The following GRM5 variants were observed in gnomAD, a reference collection of about 807,000 sequenced individuals.
GRM5 encodes the protein metabotropic glutamate receptor 5.
Under a neutral mutation model 83.1 loss-of-function variants are expected in GRM5, and 19 were observed. The observed-to-expected ratio is 0.23, with a 90% confidence interval of 0.16 to 0.34. The LOEUF is 0.34. Among genes scored for constraint, GRM5 ranks in the 10% least tolerant of loss-of-function variants. The pLI, the probability that GRM5 is intolerant of heterozygous loss-of-function variation, is 1.00. For missense variants in GRM5, 1,160 were observed against 1,588.3 expected (o/e 0.73, Z 4.58); for synonymous variants, 675 against 633.6 (o/e 1.07, Z -0.98).
chr11:88,965,744 A>G (rs1938937764), intron 2 of GRM5, among the ~76,000 whole-genome samples: 1 of 152,148 alleles, frequency 6.6e-6, no homozygotes, highest in Non-Finnish European at 1.5e-5. Context: ...CAACATATGT[A>G]AATACATAAA....
intron 3 of GRM5, among the ~76,000 whole-genome samples, chr11:88,733,014 G>C (rs1439718451): frequency 6.6e-6 from 1 of 151,934 alleles, no homozygotes; most frequent in Non-Finnish European, 1.5e-5. Context: ...ACAATCTATT[G>C]ATCTTGCTAA....
At chr11:89,006,677 C>G (rs1469089508) in intron 2 of GRM5, among the ~76,000 whole-genome samples, 3 of 152,244 alleles carry the variant, frequency 2.0e-5, no homozygotes. Flanking sequence ...TTTGAGTTTA[C>G]ACATATCCAT....
At chr11:88,838,762 T>C (rs1565255519) in intron 3 of GRM5, among the ~76,000 whole-genome samples, 1 of 151,864 alleles carries the variant, frequency 6.6e-6, no homozygotes, top group African/African-American at 2.4e-5. Context: ...ACAGATGGAG[T>C]AATACCTTTC....
At chr11:88,687,927 C>T (rs867246029) in intron 3 of GRM5, among the ~76,000 whole-genome samples, 9 of 151,928 alleles carry the variant, frequency 5.9e-5, no homozygotes, top group Non-Finnish European at 1.2e-4. Flanking sequence ...ATCTTCCTTC[C>T]GCCCTAACAC....
At chr11:88,979,120 C>G (rs1939439242) in intron 2 of GRM5, among the ~76,000 whole-genome samples, 1 of 152,114 alleles carries the variant, frequency 6.6e-6, no homozygotes, top group Non-Finnish European at 1.5e-5. Flanking sequence ...CTTAAATAAT[C>G]TAAACCTAAT....
chr11:89,011,715 T>C (rs1940705354), intron 2 of GRM5, among the ~76,000 whole-genome samples: 1 of 152,204 alleles, frequency 6.6e-6, no homozygotes, highest in South Asian at 2.1e-4. Context: ...CTACAGCATC[T>C]TGACCATTAA....
chr11:88,980,752 G>C (rs1332096901), intron 2 of GRM5, among the ~76,000 whole-genome samples: 1 of 152,054 alleles, frequency 6.6e-6, no homozygotes, highest in East Asian at 1.9e-4. Context: ...GAACCCGGGA[G>C]GCAGAGCTTG....
chr11:89,017,178 G>A (rs1366057540), intron 2 of GRM5, among the ~76,000 whole-genome samples: 1 of 152,068 alleles, frequency 6.6e-6, no homozygotes, highest in Non-Finnish European at 1.5e-5. Flanking sequence ...ATTCATCAGT[G>A]CATCCTTGTT....
intron 2 of GRM5, among the ~76,000 whole-genome samples, chr11:88,957,996 A>AT (rs998224685): frequency 6.6e-6 from 1 of 151,980 alleles, no homozygotes; most frequent in Non-Finnish European, 1.5e-5. Context: ...AGAAACTTAT[A>AT]TTTTTTATAC....
chr11:88,780,409 C>A (rs1942951600), intron 3 of GRM5, among the ~76,000 whole-genome samples: 3 of 152,114 alleles, frequency 2.0e-5, no homozygotes, highest in Non-Finnish European at 4.4e-5. Flanking sequence ...CTTAACACTC[C>A]TCTTCTTAGC....
intron 8 of GRM5, among the ~76,000 whole-genome samples, chr11:88,548,772 A>T (rs1327137723): frequency 6.6e-6 from 1 of 152,222 alleles, no homozygotes; most frequent in Non-Finnish European, 1.5e-5. Context: ...AAGTTGACTT[A>T]TTCTCTTGGA....
rs188856951 is a variant in GRM5 at position 88,704,791 on chromosome 11, C to T, written c.912-51388G>A. Among the ~76,000 whole-genome samples the T allele has an allele frequency of 8.5e-4, 129 of 152,080 alleles. No homozygotes were observed. The Middle Eastern group carries it at 0.014, about 16-fold the overall frequency. On this transcript the variant is annotated intron_variant, in intron 3 of 9. Transcript: ENST00000305447. ...TTTTTTTTTCTTCCTCTTCTTCGCT[C>T]TATACTTTTTCTGTTCTCTCCTAAC...
At chr11:88,852,978 G>C (rs1053444947) in intron 2 of GRM5, among the ~76,000 whole-genome samples, 4 of 152,092 alleles carry the variant, frequency 2.6e-5, no homozygotes, top group Non-Finnish European at 5.9e-5. Context: ...TGAGGAAAAA[G>C]CTAAGGAAGT....
intron 2 of GRM5, among the ~76,000 whole-genome samples, chr11:89,019,120 C>T (rs1367574342): frequency 6.6e-6 from 1 of 152,050 alleles, no homozygotes; most frequent in Non-Finnish European, 1.5e-5. Context: ...TTTAGATCAC[C>T]TTGACAGTTT....
At position 88,939,630 on chromosome 11, in the gene GRM5, CACA is replaced by C. The variant is rs547642115; in HGVS notation, c.662-89478_662-89476del. 3.1e-3 allele frequency among the ~76,000 whole-genome samples: 470 copies of C among 151,710 alleles called. 9 individuals carry two copies. Among genetic ancestry groups the C allele is most frequent in the Non-Finnish European group, 4.6e-4 (31 of 67,778 alleles). On this transcript the variant is annotated intron_variant, in intron 2 of 9. Transcript: ENST00000305447. ...CACATTTTAAAAACAGATAAGCGAA[CACA>C]ACACTAGATTAGAATAATAATTCCA...
intron 4 of GRM5, among the ~76,000 whole-genome samples, chr11:88,625,846 C>T (rs2135263742): frequency 6.6e-6 from 1 of 152,272 alleles, no homozygotes; most frequent in Non-Finnish European, 1.5e-5. Flanking sequence ...CAAATCCAAA[C>T]TCTTCCTAGA....
chr11:89,018,295 G>C (rs1940906787), intron 2 of GRM5, among the ~76,000 whole-genome samples: 1 of 151,986 alleles, frequency 6.6e-6, no homozygotes, highest in African/African-American at 2.4e-5. Flanking sequence ...ATAGAGCCTT[G>C]CCCCTCAGAA....
intron 2 of GRM5, among the ~76,000 whole-genome samples, chr11:88,886,581 C>T (rs1451996595): frequency 3.3e-5 from 5 of 152,066 alleles, no homozygotes; most frequent in East Asian, 3.9e-4. Context: ...CTTCCTTTCA[C>T]TGAGGACTTA....
At chr11:88,622,715 G>A in intron 4 of GRM5, among the ~76,000 whole-genome samples, 1 of 151,888 alleles carries the variant, frequency 6.6e-6, no homozygotes, top group East Asian at 1.9e-4. Flanking sequence ...TGTGTGCCAG[G>A]GTGTTCTAGT....
Sources: gnomAD v4.1 joint callset for allele counts (sites outside exome capture counted in the v4.1 genomes callset) on GRCh38, gnomAD v4.1.1 for gene constraint, MANE v1.5 for transcripts, NCBI Gene and HGNC (gene_info 2026-07-23, HGNC 2026-07-21) for gene names.